SPATA6: variants seen among roughly 807,000 people sequenced by gnomAD.
SPATA6 encodes the protein spermatogenesis-associated protein 6.
A neutral mutation model predicts 65.3 loss-of-function variants in SPATA6; 56 were observed. The ratio of observed to expected loss-of-function variants is 0.86; its 90% CI spans 0.69 to 1.07. The LOEUF (loss-of-function observed/expected upper bound fraction) is 1.07, where lower values mean the gene tolerates loss of function less well. SPATA6 is among the 50% of genes least tolerant of loss of function. The pLI, the probability that SPATA6 is intolerant of heterozygous loss-of-function variation, is 0.00. For synonymous variants in SPATA6, 199 were observed against 213.2 expected (o/e 0.93, Z 0.58); for missense variants, 590 against 594.8 (o/e 0.99, Z 0.08).
downstream of SPATA6, among the ~76,000 whole-genome samples, chr1:48,293,425 T>A (rs1444968342): frequency 6.6e-6 from 1 of 152,180 alleles, no homozygotes; most frequent in East Asian, 1.9e-4. Context: ...CGCAGCTTCT[T>A]ATCTGGACTC....
chr1:48,315,579 T>C (rs1645387500), intron 11 of SPATA6, among the ~76,000 whole-genome samples: 1 of 152,112 alleles, frequency 6.6e-6, no homozygotes, highest in African/African-American at 2.4e-5. Context: ...CCACAGCCAA[T>C]ATCATACTGA....
chr1:48,277,226 G>A, the SPATA6 span, among the ~76,000 whole-genome samples: 6 of 151,770 alleles, frequency 4.0e-5, no homozygotes, highest in East Asian at 5.8e-4. Context: ...GAACCGCTCC[G>A]GTCTACAGTT....
chr1:48,427,210 G>A (rs552832487), intron 3 of SPATA6, among the ~76,000 whole-genome samples: 26 of 151,938 alleles, frequency 1.7e-4, no homozygotes. Context: ...TTATATTTAT[G>A]AGCTACCACA....
intron 7 of SPATA6, among the ~76,000 whole-genome samples, chr1:48,398,811 G>C (rs890510091): frequency 6.6e-6 from 1 of 151,718 alleles, no homozygotes; most frequent in Non-Finnish European, 1.5e-5. Context: ...TCAGTACAGA[G>C]ACTAGAACTA....
Position 48,411,446 on chromosome 1 carries a change from A to G in SPATA6, c.405+18T>C. ...GATTTTCCATCAAAAACTGATTCAG[A>G]AAATTGCAAGCACTTACTCGAAGGC... On this transcript the variant is annotated intron_variant, in intron 5 of 12. Transcript: ENST00000371847. The G allele has an allele frequency of 6.3e-7, 1 of 1,596,184 alleles. No individual in the cohort carries two copies. The highest frequency in any genetic ancestry group is 8.5e-7 in the Non-Finnish European group (1 of 1,170,524).
At chr1:48,356,077 AT>A (rs1646651567) in intron 10 of SPATA6, among the ~76,000 whole-genome samples, 1 of 152,258 alleles carries the variant, frequency 6.6e-6, no homozygotes, top group East Asian at 1.9e-4. Flanking sequence ...GAGAAAAAAA[AT>A]ACCTAATTTT....
intron 12 of SPATA6, among the ~76,000 whole-genome samples, chr1:48,302,759 T>C (rs1425991875): frequency 6.6e-6 from 1 of 152,156 alleles, no homozygotes; most frequent in Non-Finnish European, 1.5e-5. Context: ...CATAATCTTC[T>C]ACCCAACCAG....
chr1:48,364,155 T>G (rs1309520042), intron 9 of SPATA6, among the ~76,000 whole-genome samples: 3 of 152,356 alleles, frequency 2.0e-5, no homozygotes, highest in South Asian at 2.1e-4. Context: ...GGCTGCATAG[T>G]ATTCCATGGT....
At chr1:48,277,538 G>A in the SPATA6 span, among the ~76,000 whole-genome samples, 4 of 152,246 alleles carry the variant, frequency 2.6e-5, no homozygotes, top group Non-Finnish European at 4.4e-5. Flanking sequence ...TCCCGCACTT[G>A]GCTCGGAGGG....
Position 48,472,003 on chromosome 1 carries a change from C to A in SPATA6, c.6G>T (p.Pro2=), listed in dbSNP as rs200169798. 11 of 1,542,326 alleles carry A rather than the reference C, an allele frequency of 7.1e-6. No individual in the cohort carries two copies. The East Asian group carries it at 2.6e-4, about 36-fold the overall frequency. ...GGGCGCACTGCAGCGCCTTCACCTTCGGCATCCGTGCGGGGAGGGGCGGCG... is the reference window on the plus strand; with the variant it reads ...GGGCGCACTGCAGCGCCTTCACCTTAGGCATCCGTGCGGGGAGGGGCGGCG... M[P]KVKALQCALA... is the part of the protein sequence containing the mutation. Residue 2 remains proline, a synonymous_variant, in exon 1 of 13, where the codon CCG becomes CCT. Transcript: ENST00000371847.
intron 1 of SPATA6, among the ~76,000 whole-genome samples, chr1:48,462,057 A>C (rs1657474497): frequency 6.6e-6 from 1 of 152,188 alleles, no homozygotes; most frequent in African/African-American, 2.4e-5. Context: ...ACATGGATGA[A>C]ATTGGAAATC....
the SPATA6 span, among the ~76,000 whole-genome samples, chr1:48,286,900 G>A: frequency 6.6e-6 from 1 of 151,964 alleles, no homozygotes; most frequent in African/African-American, 2.4e-5. Context: ...TTATCTGGGT[G>A]TGGTGGCGGG....
chr1:48,362,938 C>T (rs564815280), intron 9 of SPATA6, among the ~76,000 whole-genome samples: 2 of 152,144 alleles, frequency 1.3e-5, no homozygotes, highest in East Asian at 3.9e-4. Context: ...TATTAAGCAC[C>T]TTCTGCATAT....
At chr1:48,306,288 A>G (rs1645060726) in intron 11 of SPATA6, among the ~76,000 whole-genome samples, 1 of 151,992 alleles carries the variant, frequency 6.6e-6, no homozygotes, top group Non-Finnish European at 1.5e-5. Context: ...ACATGCACCT[A>G]TGACTTACAA....
At chr1:48,322,573 T>C (rs1645629647) in intron 11 of SPATA6, among the ~76,000 whole-genome samples, 1 of 152,118 alleles carries the variant, frequency 6.6e-6, no homozygotes. Flanking sequence ...ACAAATCGCA[T>C]CTAATTAAAC....
intron 6 of SPATA6, among the ~76,000 whole-genome samples, chr1:48,403,023 A>G (rs1651320374): frequency 6.6e-6 from 1 of 152,066 alleles, no homozygotes; most frequent in South Asian, 2.1e-4. Context: ...AAAAAATACA[A>G]AAGTTAGCCG....
chr1:48,266,677 G>C, the SPATA6 span, among the ~76,000 whole-genome samples: 5 of 152,080 alleles, frequency 3.3e-5, no homozygotes, highest in Non-Finnish European at 5.9e-5. Context: ...AAAATACTTC[G>C]TAATTCAAAA....
chr1:48,451,577 A>G lies in SPATA6; in HGVS notation c.213T>C (p.Pro71=). ...FEKVFPDAVD[P]GDVVTQLEYD... Reference sequence around the variant, plus strand: ...ATTCAAGCTGTGTAACCACATCTCCAGGATCTACTGCGTCCGGGAACACCT... The same window carrying G: ...ATTCAAGCTGTGTAACCACATCTCCGGGATCTACTGCGTCCGGGAACACCT... The change falls in exon 3 of 13, where the codon CCT becomes CCC. Residue 71 remains proline (P), a synonymous_variant. Coordinates refer to ENST00000371847, the MANE Select transcript of SPATA6 (RefSeq NM_019073.4). 1.9e-6 allele frequency: 3 copies of G among 1,612,754 alleles called. No homozygotes were observed. The highest frequency in any genetic ancestry group is 2.5e-6 in the Non-Finnish European group (3 of 1,179,428).
At chr1:48,288,804 G>A in the SPATA6 span, among the ~76,000 whole-genome samples, 13 of 152,314 alleles carry the variant, frequency 8.5e-5, 1 homozygote, top group South Asian at 1.2e-3. Flanking sequence ...GGGGAGGGGC[G>A]CCCACCATTG....
Sources: allele counts gnomAD v4.1 joint callset (sites outside exome capture counted in the v4.1 genomes callset), GRCh38; gene constraint gnomAD v4.1.1; transcripts MANE v1.5; gene names NCBI Gene and HGNC (gene_info 2026-07-23, HGNC 2026-07-21).